ATRIP: variants seen among roughly 807,000 people sequenced by gnomAD.
The protein encoded by ATRIP is ATR-interacting protein.
A neutral mutation model predicts 78.1 loss-of-function variants in ATRIP; 44 were observed. That is an observed-to-expected ratio of 0.56 (90% confidence interval 0.44 to 0.72). ATRIP has a LOEUF of 0.72. Among genes scored for constraint, ATRIP ranks in the 30% least tolerant of loss-of-function variants. ATRIP has a pLI of 0.00. For missense variants in ATRIP, 927 were observed against 980.2 expected, an observed-to-expected ratio of 0.95 and a Z score of 0.72; for synonymous variants, 388 against 408.9, an observed-to-expected ratio of 0.95 and a Z score of 0.62.
intron 3 of ATRIP, among the ~76,000 whole-genome samples, chr3:48,452,939 C>T (rs1293115796): frequency 2.1e-5 from 3 of 142,076 alleles, no homozygotes; most frequent in Non-Finnish European, 4.5e-5. Flanking sequence ...GGCTGGAGTG[C>T]AGTGGTGCAA....
rs2039979001 is a variant in ATRIP at position 48,457,343 on chromosome 3, T to C, written c.756T>C (p.Ser252=). 1.2e-6 allele frequency: 2 copies of C among 1,609,198 alleles called. No homozygotes were observed. The highest frequency in any genetic ancestry group is 1.7e-5 in the Admixed American group (1 of 59,262). The stretch of plus-strand genomic sequence containing the variant: ...AAACATCTTTTCCTACAAAGGAGTC[T>C]TTTAGTGCTAACATGTCCCTTCCCC... ...FGKTSFPTKE[S]FSANMSLPHP... The change falls in exon 5 of 13, where the codon TCT becomes TCC. Residue 252 remains serine, a synonymous_variant. Transcript: ENST00000320211.
Position 48,467,542 on chromosome 3 carries a change from T to C in ATRIP, c.*1988T>C. 6.2e-7 allele frequency: 1 copy of C among 1,613,864 alleles called. No individual in the cohort carries two copies. Among genetic ancestry groups the C allele is most frequent in the Non-Finnish European group, 8.5e-7 (1 of 1,179,974 alleles). On this transcript the variant is annotated 3_prime_UTR_variant, in exon 13 of 13. Coordinates refer to ENST00000320211, the MANE Select transcript of ATRIP (RefSeq NM_130384.3). Reference sequence around the variant, plus strand: ...CTGGCCCCACTGGGTCTGCTGGCCATCCTGACCTTGGCAGTAGCCACACTG... The same window carrying C: ...CTGGCCCCACTGGGTCTGCTGGCCACCCTGACCTTGGCAGTAGCCACACTG...
Position 48,448,838 on chromosome 3 carries a change from C to T in ATRIP, c.248-1199C>T, listed in dbSNP as rs367755604. On this transcript the variant is annotated intron_variant, in intron 1 of 12. Coordinates refer to ENST00000320211, the MANE Select transcript of ATRIP (RefSeq NM_130384.3). ...TAGGCTTTCCTATATTTGTTCTCTT[C>T]TGCAGTTCTTAATCACAGTTGTAAT... 3.9e-5 allele frequency among the ~76,000 whole-genome samples: 6 copies of T among 152,206 alleles called. No homozygotes were observed. In the East Asian group the frequency reaches 5.8e-4, roughly 15 times the overall value.
chr3:48,457,420 A>C lies in ATRIP; in HGVS notation c.829+4A>C. 6.5e-7 allele frequency: 1 copy of C among 1,535,270 alleles called. No homozygotes were observed. The highest frequency in any genetic ancestry group is 8.7e-7 in the Non-Finnish European group (1 of 1,144,408). On this transcript the variant is annotated splice_donor_region_variant and intron_variant, in intron 5 of 12. Transcript: ENST00000320211. ...AAGCCTCTGGTGGGCAGAGAGGGTA[A>C]GTCCATTAGTCATCTATTGATGTAT...
intron 1 of ATRIP, among the ~76,000 whole-genome samples, chr3:48,448,161 C>CTTTTTTTT (rs34075060): frequency 5.1e-5 from 6 of 116,766 alleles, no homozygotes; most frequent in Non-Finnish European, 1.0e-4. Context: ...CGTGAACACC[C>CTTTTTTTT]TTTTTTTTTT....
At chr3:48,465,318 C>A (rs924705321) in intron 12 of ATRIP, among the ~76,000 whole-genome samples, 169 bp from the exon 13 acceptor site, 2 of 152,252 alleles carry the variant, frequency 1.3e-5, no homozygotes, top group African/African-American at 2.4e-5. Context: ...CAGAAATAGC[C>A]GTGTCTGAAT....
At chr3:48,451,289 A>G (rs1216823490) in intron 2 of ATRIP, among the ~76,000 whole-genome samples, 4 of 152,218 alleles carry the variant, frequency 2.6e-5, no homozygotes, top group Non-Finnish European at 4.4e-5. Flanking sequence ...CAAGAGTTCA[A>G]GACCAGCCTG....
intron 8 of ATRIP, among the ~76,000 whole-genome samples, chr3:48,463,445 G>A (rs2040173737): frequency 1.3e-5 from 2 of 151,854 alleles, no homozygotes; most frequent in Non-Finnish European, 2.9e-5. Context: ...GGGAGCATGT[G>A]GAAGCCAGGC....
Position 48,460,142 on chromosome 3 carries a change from C to A in ATRIP, c.1088C>A (p.Thr363Lys). 6.2e-7 allele frequency: 1 copy of A among 1,613,474 alleles called. No homozygotes were observed. ...GCTGGAATGTCAGGCCTCAGGACCA[C>A]AGGTTCTTATGATGGGTCATTTTCC... ...TLAGMSGLRT[T>K]GSYDGSFSLS... Residue 363 changes from threonine (T) to lysine (K), a missense_variant, in exon 8 of 13, where the codon ACA (threonine) becomes AAA (lysine). Thr to Lys is a moderately conservative substitution (Grantham distance 78). Transcript: ENST00000320211.
chr3:48,447,434 C>T (rs2039708536), intron 1 of ATRIP: 1 of 1,025,562 alleles, frequency 9.8e-7, no homozygotes, highest in Non-Finnish European at 1.2e-6. Context: ...CATGGGGACC[C>T]ATTCTTGTGA....
chr3:48,465,550 G>A lies in ATRIP; in HGVS notation c.2372G>A (p.Gly791Asp), dbSNP rs1395247880. The A allele has an allele frequency of 6.2e-7, 1 of 1,613,014 alleles. No homozygotes were observed. Residue 791 changes from glycine (G) to aspartate (D), a missense_variant, in exon 13 of 13, where the codon GGC becomes GAC. Coordinates refer to ENST00000320211, the MANE Select transcript of ATRIP (RefSeq NM_130384.3). The part of the protein sequence containing the change: ...TDVEDPEVEC[G>D] ...GTGGAAGACCCCGAGGTGGAGTGTG[G>A]CTGAGGCCCTGAGTGTCCAGCCACA... is the stretch of plus-strand genomic sequence containing the variant.
At chr3:48,448,740 C>G (rs1219125410) in intron 1 of ATRIP, among the ~76,000 whole-genome samples, 2 of 152,244 alleles carry the variant, frequency 1.3e-5, no homozygotes, top group Non-Finnish European at 2.9e-5. Flanking sequence ...TGTCCTTCAG[C>G]TCTCAGCTCC....
chr3:48,459,049 G>C (rs1180770760), intron 5 of ATRIP, among the ~76,000 whole-genome samples: 1 of 152,216 alleles, frequency 6.6e-6, no homozygotes, highest in Admixed American at 6.5e-5. Context: ...ATGGGCTGAT[G>C]CGTATAGAGC....
chr3:48,467,278 G>C lies in ATRIP; in HGVS notation c.*1724G>C, dbSNP rs146524913. On this transcript the variant is annotated 3_prime_UTR_variant, in exon 13 of 13. Transcript: ENST00000320211. ...GATGTCCTGGCCCTGCTCAGCATCT[G>C]TCAGTGGAGACCACAGGCCCTGCTG... is the stretch of plus-strand genomic sequence containing the variant. The C allele has an allele frequency of 2.0e-4, 315 of 1,614,060 alleles. No individual in the cohort carries two copies. Among genetic ancestry groups the C allele is most frequent in the Non-Finnish European group, 2.6e-4 (310 of 1,180,038 alleles).
intron 8 of ATRIP, among the ~76,000 whole-genome samples, 186 bp from the exon 9 acceptor site, chr3:48,463,559 C>G (rs1283522404): frequency 6.6e-6 from 1 of 152,082 alleles, no homozygotes; most frequent in Non-Finnish European, 1.5e-5. Flanking sequence ...CCCACTTGTT[C>G]ACATGAAACA....
In ATRIP at chr3:48,463,868, C is replaced by T. The variant is rs1227913863; in HGVS notation, c.1869C>T (p.Leu623=). ...ACCACGACCAGCTGGCACCTCAGCT[C>T]TGTTCCCACTCAGGTAAAGCAGGGT... is the stretch of plus-strand genomic sequence containing the variant. ...LADHDQLAPQ[L]CSHSEGCLLL... is the part of the protein sequence containing the mutation. Residue 623 remains leucine, a synonymous_variant, in exon 9 of 13, where the codon CTC becomes CTT. Coordinates refer to ENST00000320211, the MANE Select transcript of ATRIP (RefSeq NM_130384.3). The T allele has an allele frequency of 2.5e-6, 4 of 1,614,034 alleles. No individual in the cohort carries two copies. In the African/African-American group the frequency reaches 4.0e-5, roughly 16 times the overall value.
At chr3:48,463,680 T>C in intron 8 of ATRIP, 65 bp from the exon 9 acceptor site, 1 of 1,596,718 alleles carries the variant, frequency 6.3e-7, no homozygotes, top group Non-Finnish European at 8.6e-7. Context: ...TCTAGTGGAG[T>C]GTGAAGGTAG....
Position 48,464,990 on chromosome 3 carries a change from A to T in ATRIP, c.2215A>T (p.Met739Leu), listed in dbSNP as rs142995259. Residue 739 changes from methionine (M) to leucine (L), a missense_variant, in exon 12 of 13, where the codon ATG becomes TTG. By Grantham distance (15) the Met-to-Leu change is conservative. Transcript: ENST00000320211. The stretch of plus-strand genomic sequence containing the variant: ...ATCGCAGAAGGACAAGCTCTTCATG[A>T]TGCACTGCGTGGAGGTCCTGCATCA... ...GLSQKDKLFM[M>L]HCVEVLHQFD... The T allele has an allele frequency of 3.1e-3, 4,962 of 1,614,052 alleles. 9 individuals carry two copies. Among genetic ancestry groups the T allele is most frequent in the Non-Finnish European group, 3.9e-3 (4,559 of 1,180,010 alleles).
At chr3:48,449,887 G>A (rs2039790179) in intron 1 of ATRIP, 150 bp from the exon 2 acceptor site, 1 of 753,488 alleles carries the variant, frequency 1.3e-6, no homozygotes, top group East Asian at 2.9e-5. Context: ...GCAGTAAGCA[G>A]TGATCACACC....
Sources: allele counts gnomAD v4.1 joint callset (sites outside exome capture counted in the v4.1 genomes callset), GRCh38; gene constraint gnomAD v4.1.1; transcripts MANE v1.5; gene names NCBI Gene and HGNC (gene_info 2026-07-23, HGNC 2026-07-21).